The following DCDC1 variants were observed in gnomAD, a reference collection of about 807,000 sequenced individuals.
DCDC1 encodes the protein doublecortin domain-containing protein 1.
In DCDC1, 200 loss-of-function variants were observed where a neutral mutation model predicts 178.3. The ratio of observed to expected loss-of-function variants is 1.12; its 90% confidence interval spans 1.00 to 1.26. The LOEUF is 1.26. Ranked by LOEUF, DCDC1 falls within the 50% of genes most tolerant of loss-of-function variation. DCDC1 has a pLI of 0.00. For missense variants in DCDC1, 1,983 were observed against 1,749.2 expected (o/e 1.13, Z -2.38); for synonymous variants, 690 against 604.8 (o/e 1.14, Z -2.07).
chr11:31,211,666 A>G (rs943863658), intron 9 of DCDC1, among the ~76,000 whole-genome samples: 2 of 152,190 alleles, frequency 1.3e-5, no homozygotes, highest in African/African-American at 2.4e-5. Flanking sequence ...TCAATGGTGC[A>G]GTTTTCCTTT....
At chr11:31,048,097 TA>T (rs930724244) in intron 20 of DCDC1, among the ~76,000 whole-genome samples, 2 of 152,138 alleles carry the variant, frequency 1.3e-5, no homozygotes, top group African/African-American at 2.4e-5. Context: ...CAAGTAATAT[TA>T]AATATCTTAC....
intron 20 of DCDC1, among the ~76,000 whole-genome samples, chr11:30,986,328 C>T (rs1368681990): frequency 7.0e-6 from 1 of 143,718 alleles, no homozygotes; most frequent in Non-Finnish European, 1.5e-5. Context: ...CCACATTTTT[C>T]TCTCTCTCTT....
intron 1 of DCDC1, among the ~76,000 whole-genome samples, chr11:31,349,881 G>C (rs189238498): frequency 6.6e-6 from 1 of 152,080 alleles, no homozygotes; most frequent in South Asian, 2.1e-4. Flanking sequence ...CTGAATGAGC[G>C]TATGTTACTA....
intron 3 of DCDC1, among the ~76,000 whole-genome samples, chr11:31,316,345 T>C: frequency 7.7e-6 from 1 of 130,360 alleles, no homozygotes. Flanking sequence ...ATGATTGCCA[T>C]TCTAACTGGT....
At chr11:30,881,122 T>G in intron 37 of DCDC1, 36 bp downstream of exon 37, 1 of 1,608,832 alleles carries the variant, frequency 6.2e-7, no homozygotes, top group Non-Finnish European at 8.5e-7. Flanking sequence ...CTTTAATTCT[T>G]CAAAGACTTG....
intron 9 of DCDC1, among the ~76,000 whole-genome samples, chr11:31,234,279 A>C (rs1976179575): frequency 6.6e-6 from 1 of 152,212 alleles, no homozygotes; most frequent in Non-Finnish European, 1.5e-5. Flanking sequence ...GAGAGCAATA[A>C]ATTAATGTTA....
chr11:31,198,911 C>G (rs1345497755), intron 9 of DCDC1, among the ~76,000 whole-genome samples: 1 of 150,590 alleles, frequency 6.6e-6, no homozygotes, highest in African/African-American at 2.4e-5. Context: ...AAATTTTCTA[C>G]AAAAGAAATG....
chr11:30,896,058 T>C (rs543748208), intron 34 of DCDC1, among the ~76,000 whole-genome samples: 2 of 152,226 alleles, frequency 1.3e-5, no homozygotes, highest in South Asian at 4.1e-4. Context: ...CTTAAGAAAA[T>C]GAATGCACTT....
At chr11:31,039,241 G>A (rs1954280936) in intron 20 of DCDC1, among the ~76,000 whole-genome samples, 3 of 151,984 alleles carry the variant, frequency 2.0e-5, no homozygotes, top group Admixed American at 2.0e-4. Context: ...TTTGTTTTAA[G>A]TTCAGGATTT....
At chr11:31,107,078 A>C in intron 12 of DCDC1, 118 bp from the exon 13 acceptor site, 1 of 604,768 alleles carries the variant, frequency 1.7e-6, no homozygotes, top group Non-Finnish European at 2.9e-6. Context: ...ATGATAATTA[A>C]ATTCATATAG....
At chr11:31,006,017 C>A (rs1489099038) in intron 20 of DCDC1, among the ~76,000 whole-genome samples, 1 of 151,134 alleles carries the variant, frequency 6.6e-6, no homozygotes. Flanking sequence ...TTCACATAAC[C>A]CATTTTACTG....
intron 8 of DCDC1, among the ~76,000 whole-genome samples, chr11:31,258,107 G>A (rs1340276884): frequency 3.3e-5 from 5 of 152,070 alleles, no homozygotes; most frequent in African/African-American, 1.2e-4. Flanking sequence ...AAAAGTGCTG[G>A]GTGAACTCTA....
At chr11:31,253,969 G>A (rs1944243526) in intron 8 of DCDC1, among the ~76,000 whole-genome samples, 1 of 152,176 alleles carries the variant, frequency 6.6e-6, no homozygotes, top group Admixed American at 6.5e-5. Context: ...AAGATGGCAT[G>A]TGACTTGCTT....
At chr11:31,003,555 T>A (rs1160795857) in intron 20 of DCDC1, among the ~76,000 whole-genome samples, 9 of 152,294 alleles carry the variant, frequency 5.9e-5, no homozygotes, top group Admixed American at 4.6e-4. Context: ...GGAGATACTA[T>A]GACTGACCTC....
rs375684196 is a variant in DCDC1 at position 30,915,662 on chromosome 11, C to T, written c.3502G>A (p.Glu1168Lys). Residue 1168 changes from glutamate to lysine, a missense_variant, in exon 27 of 39, where the codon GAA becomes AAA. By Grantham distance (56) the Glu-to-Lys change is moderately conservative. Coordinates refer to ENST00000684477, the MANE Select transcript of DCDC1 (RefSeq NM_001387274.1). ...KLHKHCHQQF[E>K]YRDGQIISHA... ...CTTATAATCTGCCCATCTCTGTATT[C>T]GAACTGCTGATGACAATGCTTGTGC... 1.3e-5 allele frequency: 21 copies of T among 1,613,740 alleles called. No homozygotes were observed. Among genetic ancestry groups the T allele is most frequent in the Middle Eastern group, 3.3e-4 (2 of 6,080 alleles).
At chr11:30,942,791 AAG>A (rs1443106693) in intron 21 of DCDC1, among the ~76,000 whole-genome samples, 1 of 152,210 alleles carries the variant, frequency 6.6e-6, no homozygotes, top group Non-Finnish European at 1.5e-5. Context: ...AAGGAAGCCC[AAG>A]AGTCTTCTCT....
chr11:30,962,877 T>C (rs1462509718), intron 20 of DCDC1, among the ~76,000 whole-genome samples: 1 of 152,096 alleles, frequency 6.6e-6, no homozygotes, highest in Admixed American at 6.6e-5. Context: ...ATACTTGCTG[T>C]AAAAGCAAAG....
chr11:31,102,300 C>A lies in DCDC1; in HGVS notation c.1878-18G>T. The A allele has an allele frequency of 1.5e-6, 1 of 653,844 alleles. No homozygotes were observed. 40.5% of individuals were successfully genotyped at this position (653,844 alleles called of 1,614,324 possible). The stretch of plus-strand genomic sequence containing the variant: ...CTTCCCAACTAAGAAAAGTAAAATA[C>A]GTAATTATTTTTATTAGAATAATAT... On this transcript the variant is annotated intron_variant, in intron 14 of 38. Coordinates refer to ENST00000684477, the MANE Select transcript of DCDC1 (RefSeq NM_001387274.1).
intron 9 of DCDC1, among the ~76,000 whole-genome samples, chr11:31,203,667 T>TA (rs755481507): frequency 6.6e-6 from 1 of 152,170 alleles, no homozygotes; most frequent in Non-Finnish European, 1.5e-5. Context: ...CCACAAAAGA[T>TA]ACCTGCCCCA....
Sources: gnomAD v4.1 joint callset for allele counts (sites outside exome capture counted in the v4.1 genomes callset) on GRCh38, gnomAD v4.1.1 for gene constraint, MANE v1.5 for transcripts, NCBI Gene and HGNC (gene_info 2026-07-23, HGNC 2026-07-21) for gene names.